Variants in PEX1 observed in about 807,000 individuals in gnomAD.
PEX1 encodes peroxisomal ATPase PEX1.
In PEX1, 97 loss-of-function variants were observed where a neutral mutation model predicts 152.5. The observed-to-expected ratio is 0.64, with a 90% CI of 0.54 to 0.75. The LOEUF is 0.75. PEX1 is among the 30% of genes least tolerant of loss of function. The probability of loss-of-function intolerance (pLI) is 0.00; values close to 1 mark genes in which losing one functional copy is unlikely to be tolerated. For synonymous variants in PEX1, 485 were observed against 531.6 expected (o/e 0.91, Z 1.21); for missense variants, 1,357 against 1,516.3 (o/e 0.89, Z 1.74).
At chr7:92,488,187 G>A (rs545619855) in intron 23 of PEX1, among the ~76,000 whole-genome samples, 1 of 152,292 alleles carries the variant, frequency 6.6e-6, no homozygotes, top group East Asian at 1.9e-4. Flanking sequence ...AAGGGGGACT[G>A]CTATATAGCA....
Position 92,489,872 on chromosome 7 carries a change from C to T in PEX1, c.3478G>A (p.Asp1160Asn). ...TCTTTCCCAGGAACTCCAGGCAAAT[C>T]CTGAGTCATGGAGCTTGGTGCAGAG... ...CLSAPSSMTQ[D>N]LPGVPGKDQL... Residue 1160 changes from aspartate to asparagine, a missense_variant, in exon 22 of 24, where the codon GAT (aspartate) becomes AAT (asparagine). Transcript: ENST00000248633. 6.2e-7 allele frequency: 1 copy of T among 1,614,006 alleles called. No homozygotes were observed. Among genetic ancestry groups the T allele is most frequent in the South Asian group, 1.1e-5 (1 of 91,082 alleles).
intron 1 of PEX1, among the ~76,000 whole-genome samples, chr7:92,523,151 G>A (rs757356963): frequency 6.6e-6 from 1 of 152,108 alleles, no homozygotes; most frequent in Non-Finnish European, 1.5e-5. Context: ...AAACTTGGAA[G>A]GAAACAAATG....
At chr7:92,523,487 A>AT (rs1303524598) in intron 1 of PEX1, among the ~76,000 whole-genome samples, 163 of 147,614 alleles carry the variant, frequency 1.1e-3, no homozygotes, top group African/African-American at 3.4e-3. Flanking sequence ...ACACCTAGCC[A>AT]TTTTTTTTTT....
At chr7:92,496,809 T>C in intron 16 of PEX1, 32 bp from the exon 17 acceptor site, 1 of 1,412,908 alleles carries the variant, frequency 7.1e-7, no homozygotes. Context: ...GAGATAAAAT[T>C]ATTTAAAAAG....
At chr7:92,516,344 T>C (rs547965683) in intron 5 of PEX1, among the ~76,000 whole-genome samples, 1 of 152,130 alleles carries the variant, frequency 6.6e-6, no homozygotes, top group Admixed American at 6.5e-5. Flanking sequence ...GGAGAACCAC[T>C]TGAACGTGGG....
intron 8 of PEX1, among the ~76,000 whole-genome samples, chr7:92,510,315 A>C (rs1372836094): frequency 6.6e-6 from 1 of 151,572 alleles, no homozygotes. Context: ...AACATACAAA[A>C]ATTAGCCAGG....
rs773001151 is a variant in PEX1, at chr7:92,487,527, T to C, written c.3782A>G (p.Gln1261Arg). The part of the protein sequence containing the change: ...KNFAELYESF[Q>R]NPKRRKNQSG... ...TTGATTTTTTCTCCTCTTTGGATTT[T>C]GAAAGCTTTCATATCTGAAAAAAGA... The change falls in exon 24 of 24, where the codon CAA (glutamine) becomes CGA (arginine). Residue 1261 changes from glutamine (Q) to arginine (R), a missense_variant. Coordinates refer to ENST00000248633, the MANE Select transcript of PEX1 (RefSeq NM_000466.3). 1.3e-6 allele frequency: 2 copies of C among 1,569,700 alleles called. No homozygotes were observed. Among genetic ancestry groups the C allele is most frequent in the South Asian group, 2.3e-5 (2 of 88,880 alleles).
chr7:92,518,346 C>T (rs1383609750), intron 3 of PEX1, 91 bp from the exon 4 acceptor site: 2 of 827,774 alleles, frequency 2.4e-6, no homozygotes, highest in Non-Finnish European at 4.1e-6. Flanking sequence ...TTTTAAAAAA[C>T]AAATTTTAAT....
At chr7:92,503,481 TGAAC>T (rs1393300499) in intron 12 of PEX1, among the ~76,000 whole-genome samples, 1 of 152,186 alleles carries the variant, frequency 6.6e-6, no homozygotes, top group Non-Finnish European at 1.5e-5. Context: ...ATGAAATAAA[TGAAC>T]GAATGATAAA....
chr7:92,490,310 G>T, intron 21 of PEX1: 1 of 221,594 alleles, frequency 4.5e-6, no homozygotes, highest in South Asian at 6.1e-5. Context: ...ACTGTTCTTG[G>T]GAATAAAAAT....
At chr7:92,503,883 TG>T (rs1440015279) in intron 12 of PEX1, among the ~76,000 whole-genome samples, 2 of 152,112 alleles carry the variant, frequency 1.3e-5, no homozygotes, top group Admixed American at 1.3e-4. Flanking sequence ...TTAAGAACCT[TG>T]AAGCAAGTCA....
intron 15 of PEX1, among the ~76,000 whole-genome samples, chr7:92,500,319 G>T (rs955113469): frequency 3.9e-5 from 6 of 152,178 alleles, no homozygotes; most frequent in African/African-American, 1.2e-4. Context: ...AAGAACAAGA[G>T]AACTTTTTGA....
Position 92,493,980 on chromosome 7 carries a change from G to C in PEX1, c.3030+313C>G, listed in dbSNP as rs1562847564. 5 of 277,760 alleles carry C rather than the reference G, an allele frequency of 1.8e-5. No individual in the cohort carries two copies. The East Asian group carries it at 4.5e-4, about 25-fold the overall frequency. 17.2% of individuals were successfully genotyped at this position (277,760 alleles called of 1,614,324 possible). On this transcript the variant is annotated intron_variant, in intron 19 of 23. Transcript: ENST00000248633. ...GATTCTGTATCAGAGTTTTTTTTTTGACAGGATAATGGAAGTATGTAATCT... is the reference window on the plus strand; with the variant it reads ...GATTCTGTATCAGAGTTTTTTTTTTCACAGGATAATGGAAGTATGTAATCT...
rs148972713 is a variant in PEX1, at chr7:92,491,329, C to T, written c.3381G>A (p.Arg1127=). Residue 1127 remains arginine, a synonymous_variant, in exon 21 of 24, where the codon CGG becomes CGA. Transcript: ENST00000248633. ...ATTCATAAGAGCTTCCAAAGTAGAG[C>T]CGGTACATATTGAATTTTGATTCAT... is the stretch of plus-strand genomic sequence containing the variant. The part of the protein sequence containing the change: ...LPDESKFNMY[R]LYFGSSYESE... 30 of 1,613,840 alleles carry T rather than the reference C, an allele frequency of 1.9e-5. No individual in the cohort carries two copies. Among genetic ancestry groups the T allele is most frequent in the African/African-American group, 2.7e-5 (2 of 74,902 alleles).
In PEX1 at chr7:92,518,256, C is replaced by A. The variant is rs1057517479; in HGVS notation, c.358-1G>T. ...GTTCAAGGGAAACAGCATGCAGCTCCTAGAACCAACAGACGAAAAGATCAA... is the reference window on the plus strand; with the variant it reads ...GTTCAAGGGAAACAGCATGCAGCTCATAGAACCAACAGACGAAAAGATCAA... On this transcript the variant is annotated splice_acceptor_variant, in intron 3 of 23. Coordinates refer to ENST00000248633, the MANE Select transcript of PEX1 (RefSeq NM_000466.3). LOFTEE classifies it high-confidence loss of function. 6.4e-7 allele frequency: 1 copy of A among 1,559,540 alleles called. No individual in the cohort carries two copies.
chr7:92,508,393 G>T (rs772820591), intron 9 of PEX1, among the ~76,000 whole-genome samples: 4 of 151,936 alleles, frequency 2.6e-5, no homozygotes, highest in Non-Finnish European at 5.9e-5. Context: ...AAAAAATTAG[G>T]CAGGTGTGGT....
At chr7:92,502,337 A>C (rs1791971274) in intron 13 of PEX1, among the ~76,000 whole-genome samples, 1 of 152,174 alleles carries the variant, frequency 6.6e-6, no homozygotes, top group African/African-American at 2.4e-5. Context: ...TGTACACTTT[A>C]TGTGAGTTTG....
At position 92,504,875 on chromosome 7, in the gene PEX1, GT is replaced by G. The variant is rs1554372180; in HGVS notation, c.1927del (p.Thr643ProfsTer2). 2 of 1,613,710 alleles carry G rather than the reference GT, an allele frequency of 1.2e-6. No homozygotes were observed. The highest frequency in any genetic ancestry group is 2.2e-5 in the East Asian group (1 of 44,884). On this transcript the variant is annotated frameshift_variant, in exon 12 of 24. Coordinates refer to ENST00000248633, the MANE Select transcript of PEX1 (RefSeq NM_000466.3). LOFTEE classifies it high-confidence loss of function. ...TGCCTCTGAGAAAGCCACCTCTAGG[GT>G]TTTTTGTATGTTTTCAAGCCTTTTT... The part of the protein sequence containing the change: ...RGKRLENIQK[T>X]LEVAFSEAVW...
At position 92,506,223 on chromosome 7, in the gene PEX1, A is replaced by T. The variant is rs1214204453; in HGVS notation, c.1900+25T>A. On this transcript the variant is annotated intron_variant, in intron 11 of 23. Transcript: ENST00000248633. ...TGTCTTTCTAATGAAAAAGGGATTT[A>T]TATAGAGTGTTACCATACTCATACC... The T allele has an allele frequency of 3.3e-6, 4 of 1,216,560 alleles. No homozygotes were observed. The Admixed American group carries it at 6.7e-5, about 20-fold the overall frequency. The allele number at this position is 1,216,560 out of a possible 1,614,324, so 75.4% of individuals were successfully genotyped here.
Sources: gnomAD v4.1 joint callset for allele counts (sites outside exome capture counted in the v4.1 genomes callset) on GRCh38, gnomAD v4.1.1 for gene constraint, MANE v1.5 for transcripts, NCBI Gene and HGNC (gene_info 2026-07-23, HGNC 2026-07-21) for gene names.